GMDS: variants seen among roughly 807,000 people sequenced by gnomAD.
GMDS encodes the protein GDP-mannose 4,6 dehydratase.
A neutral mutation model predicts 49.9 loss-of-function variants in GMDS; 20 were observed. The observed-to-expected ratio is 0.40, with a 90% CI of 0.28 to 0.58. The LOEUF (loss-of-function observed/expected upper bound fraction) is 0.58, where lower values mean the gene tolerates loss of function less well. Among genes scored for constraint, GMDS ranks in the 20% least tolerant of loss-of-function variants. The probability of loss-of-function intolerance (pLI) is 0.42; values close to 1 mark genes in which losing one functional copy is unlikely to be tolerated. For synonymous variants in GMDS, 177 were observed against 178.6 expected, an observed-to-expected ratio of 0.99 and a Z score of 0.07; for missense variants, 362 against 481.4, an observed-to-expected ratio of 0.75 and a Z score of 2.32.
At chr6:2,221,898 C>T (rs1288733886) in intron 1 of GMDS, among the ~76,000 whole-genome samples, 2 of 151,802 alleles carry the variant, frequency 1.3e-5, no homozygotes, top group African/African-American at 4.8e-5. Context: ...CAACAGGAAA[C>T]TTGGTGCTGC....
At chr6:2,186,503 C>T (rs1778787081) in intron 1 of GMDS, among the ~76,000 whole-genome samples, 2 of 152,220 alleles carry the variant, frequency 1.3e-5, no homozygotes. Context: ...CAAGCCCCTA[C>T]AGTTACTTCT....
chr6:1,697,353 G>A (rs970413023), intron 9 of GMDS, among the ~76,000 whole-genome samples: 24 of 151,936 alleles, frequency 1.6e-4, no homozygotes, highest in Admixed American at 9.8e-4. Flanking sequence ...TAGTGAAGGT[G>A]GCCAATTCAT....
At chr6:1,664,634 G>A (rs1764183915) in intron 9 of GMDS, among the ~76,000 whole-genome samples, 1 of 152,172 alleles carries the variant, frequency 6.6e-6, no homozygotes, top group Admixed American at 6.5e-5. Context: ...GTGATTTACT[G>A]TGTCACTCTG....
intron 7 of GMDS, among the ~76,000 whole-genome samples, chr6:1,858,420 T>C (rs1214702298): frequency 6.6e-6 from 1 of 152,218 alleles, no homozygotes; most frequent in Admixed American, 6.5e-5. Context: ...ACTTTCTAAC[T>C]GGGCCAGCAA....
intron 7 of GMDS, among the ~76,000 whole-genome samples, chr6:1,897,500 C>T (rs915902167): frequency 2.0e-4 from 31 of 152,184 alleles, no homozygotes; most frequent in African/African-American, 6.3e-4. Context: ...GGTTAAATTG[C>T]GTGGAGTCCA....
At chr6:1,917,221 T>C (rs1297961969) in intron 7 of GMDS, among the ~76,000 whole-genome samples, 2 of 151,852 alleles carry the variant, frequency 1.3e-5, no homozygotes, top group Non-Finnish European at 1.5e-5. Context: ...TAAAAAAAAA[T>C]GACTTTAAAA....
intron 4 of GMDS, among the ~76,000 whole-genome samples, chr6:1,978,730 T>C (rs760688763): frequency 2.7e-4 from 41 of 152,212 alleles, no homozygotes; most frequent in Non-Finnish European, 5.6e-4. Context: ...CAACACAGCA[T>C]AGCTGCTCTA....
At chr6:1,784,884 A>G (rs970235390) in intron 7 of GMDS, among the ~76,000 whole-genome samples, 1 of 152,234 alleles carries the variant, frequency 6.6e-6, no homozygotes, top group Non-Finnish European at 1.5e-5. Flanking sequence ...ACTGCAGAAC[A>G]CCAACAATTG....
intron 4 of GMDS, among the ~76,000 whole-genome samples, chr6:2,078,427 C>T (rs569255054): frequency 6.6e-6 from 1 of 152,050 alleles, no homozygotes; most frequent in Non-Finnish European, 1.5e-5. Flanking sequence ...CATGTTAGTA[C>T]TGCTTTTGCT....
At chr6:2,103,680 T>A (rs757841760) in intron 4 of GMDS, among the ~76,000 whole-genome samples, 1 of 152,204 alleles carries the variant, frequency 6.6e-6, no homozygotes, top group African/African-American at 2.4e-5. Context: ...CTTCATTAGA[T>A]CCTCATGACT....
intron 7 of GMDS, among the ~76,000 whole-genome samples, chr6:1,850,792 G>C (rs1170803527): frequency 6.6e-6 from 1 of 152,160 alleles, no homozygotes; most frequent in Non-Finnish European, 1.5e-5. Context: ...TGCTTCCTAA[G>C]ACCAACCTCA....
intron 4 of GMDS, among the ~76,000 whole-genome samples, chr6:2,083,069 G>T (rs1049482089): frequency 6.6e-6 from 1 of 152,206 alleles, no homozygotes; most frequent in Non-Finnish European, 1.5e-5. Flanking sequence ...ATTTTTCAGA[G>T]AATTGAGTAT....
intron 7 of GMDS, among the ~76,000 whole-genome samples, chr6:1,891,601 C>G (rs1359705788): frequency 6.6e-6 from 1 of 152,202 alleles, no homozygotes; most frequent in Admixed American, 6.5e-5. Flanking sequence ...AACTTGGTTA[C>G]CACTTCCTTA....
At chr6:1,840,114 T>C (rs938467413) in intron 7 of GMDS, among the ~76,000 whole-genome samples, 5 of 152,310 alleles carry the variant, frequency 3.3e-5, no homozygotes, top group South Asian at 4.1e-4. Flanking sequence ...ACAAAACCAG[T>C]GCACTTCAAA....
chr6:1,652,409 T>TAAAATA (rs1464791165), intron 9 of GMDS, among the ~76,000 whole-genome samples: 41 of 1,836 alleles, frequency 0.022, 6 homozygotes, highest in African/African-American at 0.045. Flanking sequence ...TATATATATA[T>TAAAATA]TATATATAAT....
intron 1 of GMDS, among the ~76,000 whole-genome samples, chr6:2,200,501 G>A (rs531469621): frequency 2.0e-5 from 3 of 149,844 alleles, no homozygotes; most frequent in African/African-American, 4.9e-5. Context: ...ATGGACATCC[G>A]AGATGTAACC....
intron 4 of GMDS, among the ~76,000 whole-genome samples, chr6:1,993,045 G>C (rs1766052531): frequency 6.6e-6 from 1 of 152,174 alleles, no homozygotes; most frequent in Non-Finnish European, 1.5e-5. Context: ...GATGTGAGTA[G>C]ATCGTCCAGC....
chr6:1,759,090 T>C (rs1768064876), intron 7 of GMDS, among the ~76,000 whole-genome samples: 1 of 152,112 alleles, frequency 6.6e-6, no homozygotes, highest in Non-Finnish European at 1.5e-5. Context: ...GCCCGGCTAA[T>C]TTTTTCATCA....
chr6:2,141,455 A>G (rs1776281758), intron 1 of GMDS, among the ~76,000 whole-genome samples: 1 of 152,240 alleles, frequency 6.6e-6, no homozygotes, highest in Admixed American at 6.5e-5. Flanking sequence ...GAAATTCAAA[A>G]TATTGAATAA....
Sources: allele counts gnomAD v4.1 joint callset (sites outside exome capture counted in the v4.1 genomes callset), GRCh38; gene constraint gnomAD v4.1.1; transcripts MANE v1.5; gene names NCBI Gene and HGNC (gene_info 2026-07-23, HGNC 2026-07-21).